Variants in DNAH11 observed in about 807,000 individuals in gnomAD.
DNAH11 encodes the protein dynein axonemal heavy chain 11, also known as axonemal beta dynein heavy chain 11.
A neutral mutation model predicts 526.0 loss-of-function variants in DNAH11; 442 were observed. The ratio of observed to expected loss-of-function variants is 0.84; its 90% confidence interval spans 0.78 to 0.91. The LOEUF is 0.91. Ranked by LOEUF, DNAH11 falls within the 40% of genes least tolerant of loss-of-function variation. DNAH11 has a pLI of 0.00. For missense variants in DNAH11, 6,989 were observed against 5,448.7 expected, an observed-to-expected ratio of 1.28 and a Z score of -8.90; for synonymous variants, 2,461 against 1,935.9, an observed-to-expected ratio of 1.27 and a Z score of -7.12.
At chr7:21,745,091 C>G in intron 51 of DNAH11, 28 bp downstream of exon 51, 1 of 1,579,952 alleles carries the variant, frequency 6.3e-7, no homozygotes, top group East Asian at 2.3e-5. Flanking sequence ...GATGCTTTTC[C>G]ACAAAAGGAA....
chr7:21,658,599 C>A (rs999373654), intron 29 of DNAH11, among the ~76,000 whole-genome samples, 199 bp from the exon 30 acceptor site: 5 of 152,052 alleles, frequency 3.3e-5, no homozygotes, highest in Admixed American at 6.6e-5. Context: ...TGGGAGAAGG[C>A]GGGTTCCTGC....
At chr7:21,609,602 A>G (rs1308145143) in intron 20 of DNAH11, among the ~76,000 whole-genome samples, 1 of 152,220 alleles carries the variant, frequency 6.6e-6, no homozygotes, top group Non-Finnish European at 1.5e-5. Context: ...TCAAAGGGAT[A>G]TTGGCTTTGG....
At chr7:21,630,274 C>G (rs866614902) in intron 25 of DNAH11, among the ~76,000 whole-genome samples, 63 of 151,954 alleles carry the variant, frequency 4.1e-4, no homozygotes, top group African/African-American at 1.4e-3. Context: ...TTGTCTATCT[C>G]TTAACCGTTT....
At chr7:21,855,701 T>C (rs1164657979) in intron 68 of DNAH11, among the ~76,000 whole-genome samples, 5 of 152,218 alleles carry the variant, frequency 3.3e-5, no homozygotes, top group Non-Finnish European at 5.9e-5. Flanking sequence ...ATTCATTCTG[T>C]TCATCTGTTC....
chr7:21,590,979 A>G lies in DNAH11; in HGVS notation c.2231A>G (p.Asp744Gly), dbSNP rs772412152. 6.6e-7 allele frequency: 1 copy of G among 1,521,446 alleles called. No individual in the cohort carries two copies. The allele number at this position is 1,521,446 out of a possible 1,614,324, so 94.2% of individuals were successfully genotyped here. ...LLMLKKQDIP[D>G]SALAIFKKRN... ...ATGTTGAAGAAACAAGACATACCAG[A>G]TTCAGCTTTAGCCATCTTCAAGAAA... The change falls in exon 13 of 82, where the codon GAT (aspartate) becomes GGT (glycine). Residue 744 changes from aspartate (D) to glycine (G), a missense_variant. Transcript: ENST00000409508.
intron 25 of DNAH11, among the ~76,000 whole-genome samples, chr7:21,631,625 C>G (rs1786613053): frequency 6.6e-6 from 1 of 152,226 alleles, no homozygotes; most frequent in Non-Finnish European, 1.5e-5. Context: ...AATCTTAAAG[C>G]TCCAGAATGA....
At position 21,591,417 on chromosome 7, in the gene DNAH11, T is replaced by TGATC; in HGVS notation, c.2508_2511dup (p.Gln838AspfsTer32). ...GAGCGCACACAGAAAAACGTGAAGG[T>TGATC]GATCCAGCAGACCATGAGGGGCTGG... is the stretch of plus-strand genomic sequence containing the variant. On this transcript the variant is annotated frameshift_variant, in exon 14 of 82. Coordinates refer to ENST00000409508, the MANE Select transcript of DNAH11 (RefSeq NM_001277115.2). LOFTEE classifies it high-confidence loss of function. The TGATC allele has an allele frequency of 1.2e-6, 2 of 1,613,746 alleles. No individual in the cohort carries two copies. The highest frequency in any genetic ancestry group is 1.7e-6 in the Non-Finnish European group (2 of 1,179,828).
intron 69 of DNAH11, among the ~76,000 whole-genome samples, chr7:21,863,512 G>C (rs1329358940): frequency 3.3e-5 from 5 of 152,094 alleles, no homozygotes; most frequent in African/African-American, 1.2e-4. Context: ...ATTTGTAGTA[G>C]AGATGGGGTT....
In DNAH11 at chr7:21,867,731, A is replaced by C; in HGVS notation, c.11691-128A>C. 3 of 780,230 alleles carry C rather than the reference A, an allele frequency of 3.8e-6. No homozygotes were observed. The South Asian group carries it at 5.8e-5, about 15-fold the overall frequency. The allele number at this position is 780,230 out of a possible 1,614,324, so 48.3% of individuals were successfully genotyped here. A position where few individuals can be genotyped will look rare whatever the true frequency, so the allele number is the denominator to read the frequency against. ...TAGCTGGATTCATATTGTTATTCTA[A>C]CAAGACATCCCATGTAATAAACCTG... On this transcript the variant is annotated intron_variant, in intron 71 of 81. Coordinates refer to ENST00000409508, the MANE Select transcript of DNAH11 (RefSeq NM_001277115.2).
At chr7:21,873,670 CCT>C (rs1422470054) in intron 74 of DNAH11, among the ~76,000 whole-genome samples, 169 bp downstream of exon 74, 2 of 151,790 alleles carry the variant, frequency 1.3e-5, no homozygotes, top group Non-Finnish European at 2.9e-5. Flanking sequence ...AAGAATTGCC[CCT>C]GTCATTTCCG....
chr7:21,896,453 T>C (rs1360607152), intron 79 of DNAH11, among the ~76,000 whole-genome samples: 3 of 152,226 alleles, frequency 2.0e-5, no homozygotes, highest in African/African-American at 4.8e-5. Context: ...GATCTGGTCT[T>C]AAATATTTGC....
chr7:21,624,390 A>T (rs1786233813), intron 25 of DNAH11, among the ~76,000 whole-genome samples: 1 of 152,038 alleles, frequency 6.6e-6, no homozygotes, highest in African/African-American at 2.4e-5. Flanking sequence ...AAGAATGCTG[A>T]TTTTTGTGTG....
At chr7:21,596,885 ATTTG>A (rs2128445587) in intron 14 of DNAH11, among the ~76,000 whole-genome samples, 1 of 152,258 alleles carries the variant, frequency 6.6e-6, no homozygotes, top group East Asian at 1.9e-4. Flanking sequence ...TGAAATGATT[ATTTG>A]TTTCCATAAG....
At chr7:21,896,645 A>G (rs1044725560) in intron 79 of DNAH11, among the ~76,000 whole-genome samples, 6 of 152,188 alleles carry the variant, frequency 3.9e-5, no homozygotes, top group African/African-American at 1.4e-4. Context: ...CCTCATGTCT[A>G]CATTTATCTG....
At chr7:21,698,381 T>C (rs1372697812) in intron 36 of DNAH11, among the ~76,000 whole-genome samples, 168 bp downstream of exon 36, 2 of 152,212 alleles carry the variant, frequency 1.3e-5, no homozygotes, top group African/African-American at 2.4e-5. Context: ...GTTACATGGA[T>C]AAGTTCTTTA....
intron 65 of DNAH11, among the ~76,000 whole-genome samples, chr7:21,836,281 C>G (rs1350330142): frequency 6.6e-6 from 1 of 151,996 alleles, no homozygotes; most frequent in Non-Finnish European, 1.5e-5. Context: ...AGAGAAGACT[C>G]CAAATAGCCA....
In DNAH11 at chr7:21,543,615, G is replaced by A. The variant is rs974830694; in HGVS notation, c.351+19G>A. On this transcript the variant is annotated intron_variant, in intron 1 of 81. Transcript: ENST00000409508. ...CCAGGAGGTAAGAGGCGACGGGCAA[G>A]GGGACCTGCCCATCCAACAAAACTA... The A allele has an allele frequency of 6.4e-7, 1 of 1,568,192 alleles. No individual in the cohort carries two copies. Among genetic ancestry groups the A allele is most frequent in the Non-Finnish European group, 8.6e-7 (1 of 1,156,106 alleles).
At chr7:21,772,750 A>G (rs1787492609) in intron 55 of DNAH11, among the ~76,000 whole-genome samples, 1 of 152,184 alleles carries the variant, frequency 6.6e-6, no homozygotes. Context: ...GGGTATTCCA[A>G]ACCCACTCGG....
At chr7:21,666,723 C>T (rs532562637) in intron 30 of DNAH11, among the ~76,000 whole-genome samples, 4 of 151,826 alleles carry the variant, frequency 2.6e-5, no homozygotes, top group African/African-American at 9.7e-5. Flanking sequence ...GCCTGTCAAG[C>T]CTGGAGCTAC....
Sources: gnomAD v4.1 joint callset for allele counts (sites outside exome capture counted in the v4.1 genomes callset) on GRCh38, gnomAD v4.1.1 for gene constraint, MANE v1.5 for transcripts, NCBI Gene and HGNC (gene_info 2026-07-23, HGNC 2026-07-21) for gene names.